Variants in INPP5B observed in about 807,000 individuals in gnomAD.
INPP5B encodes the protein inositol polyphosphate-5-phosphatase B.
INPP5B carries 90 observed loss-of-function variants against 118.5 expected under a neutral mutation model. That is an observed-to-expected ratio of 0.76 (90% confidence interval 0.64 to 0.90). The LOEUF (loss-of-function observed/expected upper bound fraction) is 0.90. Ranked by LOEUF, INPP5B falls within the 40% of genes least tolerant of loss-of-function variation. INPP5B has a pLI of 0.00. For missense variants in INPP5B, 984 were observed against 1,125.6 expected, an observed-to-expected ratio of 0.87 and a Z score of 1.80; for synonymous variants, 385 against 418.9, an observed-to-expected ratio of 0.92 and a Z score of 0.99.
intron 16 of INPP5B, among the ~76,000 whole-genome samples, chr1:37,877,219 G>A (rs935701896): frequency 6.6e-6 from 1 of 151,768 alleles, no homozygotes; most frequent in Non-Finnish European, 1.5e-5. Context: ...TAATGTGCCT[G>A]TAATCCCAGC....
intron 15 of INPP5B, among the ~76,000 whole-genome samples, chr1:37,878,750 A>C (rs567648602): frequency 6.6e-6 from 1 of 151,874 alleles, no homozygotes; most frequent in Admixed American, 6.5e-5. Flanking sequence ...CCCAGGTTCA[A>C]GCAATTCTCC....
intron 20 of INPP5B, 47 bp from the exon 21 acceptor site, chr1:37,866,590 C>A: frequency 8.5e-7 from 1 of 1,180,652 alleles, no homozygotes; most frequent in Non-Finnish European, 1.3e-6. Flanking sequence ...CTCAGAAAAT[C>A]ATCAATGATT....
At position 37,865,823 on chromosome 1, in the gene INPP5B, T is replaced by C. The variant is rs758700003; in HGVS notation, c.2452A>G (p.Ile818Val). ...CAGTTATGGTAGGTGCTGTAACAGA[T>C]GACAGGCTCTGGAAGGCTCTCCAGG... The part of the protein sequence containing the change: ...LFLESLPEPV[I>V]CYSTYHNCLE... The change falls in exon 22 of 24, where the codon ATC becomes GTC. Residue 818 changes from isoleucine to valine, a missense_variant. By Grantham distance (29) the Ile-to-Val change is conservative. Coordinates refer to ENST00000373024, the MANE Select transcript of INPP5B (RefSeq NM_005540.3). The C allele has an allele frequency of 6.0e-5, 97 of 1,613,866 alleles. No individual in the cohort carries two copies. Among genetic ancestry groups the C allele is most frequent in the Middle Eastern group, 1.7e-4 (1 of 6,060 alleles).
chr1:37,933,099 C>A (rs979834825), intron 6 of INPP5B, among the ~76,000 whole-genome samples: 1 of 152,184 alleles, frequency 6.6e-6, no homozygotes, highest in Non-Finnish European at 1.5e-5. Flanking sequence ...GAGTTCCAGT[C>A]CTGACTATGG....
At chr1:37,898,775 G>T (rs1055043063) in intron 7 of INPP5B, among the ~76,000 whole-genome samples, 23 of 151,992 alleles carry the variant, frequency 1.5e-4, no homozygotes, top group African/African-American at 5.6e-4. Flanking sequence ...GGAGTAAAAT[G>T]CAGAAAATGA....
chr1:37,889,610 C>A lies in INPP5B; in HGVS notation c.744G>T (p.Val248=), dbSNP rs766952262. 6.2e-7 allele frequency: 1 copy of A among 1,613,928 alleles called. No individual in the cohort carries two copies. Among genetic ancestry groups the A allele is most frequent in the Non-Finnish European group, 8.5e-7 (1 of 1,179,900 alleles). The change falls in exon 9 of 24, where the codon GTG becomes GTT. Residue 248 remains valine (V), a synonymous_variant. Coordinates refer to ENST00000373024, the MANE Select transcript of INPP5B (RefSeq NM_005540.3). ...MQKFGLRDTI[V]KSHLLQKEED... ...CTTCTTTCTGTAGTAGATGTGATTTCACAATTGTATCTCGCAGTCCAAACT... is the reference window on the plus strand; with the variant it reads ...CTTCTTTCTGTAGTAGATGTGATTTAACAATTGTATCTCGCAGTCCAAACT...
At chr1:37,896,287 G>C (rs528197583) in intron 7 of INPP5B, among the ~76,000 whole-genome samples, 4,269 of 144,184 alleles carry the variant, frequency 0.03, 261 homozygotes, top group African/African-American at 0.11. Flanking sequence ...CAGCCGCCCC[G>C]TCTGAGAAGT....
intron 7 of INPP5B, among the ~76,000 whole-genome samples, chr1:37,925,472 C>T (rs1159613300): frequency 6.6e-6 from 1 of 152,126 alleles, no homozygotes; most frequent in Non-Finnish European, 1.5e-5. Context: ...TGGAACTCCT[C>T]AAGCAAGACT....
chr1:37,896,917 A>G (rs1288971830), intron 7 of INPP5B, among the ~76,000 whole-genome samples: 6 of 117,494 alleles, frequency 5.1e-5, no homozygotes, highest in African/African-American at 9.7e-5. Flanking sequence ...CGCTCTGCCC[A>G]GCCGCCCCTA....
At chr1:37,880,421 T>C (rs1308013768) in intron 14 of INPP5B, among the ~76,000 whole-genome samples, 2 of 145,870 alleles carry the variant, frequency 1.4e-5, no homozygotes, top group Non-Finnish European at 3.0e-5. Flanking sequence ...AAGTTTTTAA[T>C]GTTTTATTTA....
intron 9 of INPP5B, 114 bp downstream of exon 9, chr1:37,889,443 A>G: frequency 1.3e-6 from 1 of 748,928 alleles, no homozygotes; most frequent in African/African-American, 1.8e-5. Context: ...AAATGAGGGG[A>G]GAGATTCTAT....
At chr1:37,873,317 G>T (rs935541718) in intron 18 of INPP5B, 152 bp from the exon 19 acceptor site, 112 of 619,954 alleles carry the variant, frequency 1.8e-4, no homozygotes, top group African/African-American at 1.8e-3. Context: ...TGCTTGGCAT[G>T]CAGGAGACAC....
chr1:37,905,901 A>C (rs1439697541), intron 7 of INPP5B, among the ~76,000 whole-genome samples: 1 of 152,170 alleles, frequency 6.6e-6, no homozygotes. Context: ...TTTTCTTTTG[A>C]GCTATTTACA....
At chr1:37,943,312 G>C (rs1012278516) in intron 5 of INPP5B, among the ~76,000 whole-genome samples, 2 of 152,064 alleles carry the variant, frequency 1.3e-5, no homozygotes, top group African/African-American at 2.4e-5. Flanking sequence ...TTTAACAAAG[G>C]CTGCCTGGGA....
chr1:37,896,282 G>A (rs1219415143), intron 7 of INPP5B, among the ~76,000 whole-genome samples: 15 of 145,174 alleles, frequency 1.0e-4, no homozygotes, highest in Admixed American at 1.4e-4. Context: ...CCCGGCAGCC[G>A]CCCCGTCTGA....
At chr1:37,909,408 C>T (rs1330384531) in intron 7 of INPP5B, among the ~76,000 whole-genome samples, 3 of 152,148 alleles carry the variant, frequency 2.0e-5, no homozygotes, top group Non-Finnish European at 4.4e-5. Flanking sequence ...CTCCCCTCCT[C>T]ACACCCGGTC....
At chr1:37,911,875 A>G (rs998509020) in intron 7 of INPP5B, among the ~76,000 whole-genome samples, 1 of 152,218 alleles carries the variant, frequency 6.6e-6, no homozygotes, top group Non-Finnish European at 1.5e-5. Flanking sequence ...TTATGCTGAT[A>G]AGGTAGTTAA....
At chr1:37,876,941 C>T (rs1472598554) in intron 16 of INPP5B, among the ~76,000 whole-genome samples, 1 of 151,638 alleles carries the variant, frequency 6.6e-6, no homozygotes, top group Non-Finnish European at 1.5e-5. Flanking sequence ...ATCCTACCTA[C>T]TGAGGAGGCT....
chr1:37,876,107 G>GT (rs58127949), intron 16 of INPP5B, among the ~76,000 whole-genome samples: 2,791 of 121,948 alleles, frequency 0.023, 61 homozygotes, highest in African/African-American at 0.066. Flanking sequence ...TCTCAAGTTT[G>GT]TTTTTTTTTT....
Sources: allele counts gnomAD v4.1 joint callset (sites outside exome capture counted in the v4.1 genomes callset), GRCh38; gene constraint gnomAD v4.1.1; transcripts MANE v1.5; gene names NCBI Gene and HGNC (gene_info 2026-07-23, HGNC 2026-07-21).